The following DIAPH3 variants were observed in gnomAD, a reference collection of about 807,000 sequenced individuals.
The protein encoded by DIAPH3 is protein diaphanous homolog 3.
DIAPH3 carries 117 observed loss-of-function variants against 144.3 expected under a neutral mutation model. The ratio of observed to expected loss-of-function variants is 0.81; its 90% CI spans 0.70 to 0.95. DIAPH3 has a LOEUF of 0.95. Ranked by LOEUF, DIAPH3 falls within the 40% of genes least tolerant of loss-of-function variation. DIAPH3 has a pLI of 0.00. For missense variants in DIAPH3, 1,421 were observed against 1,412.7 expected (o/e 1.01, Z -0.09); for synonymous variants, 519 against 488.9 (o/e 1.06, Z -0.81).
At chr13:59,934,713 T>C (rs946998745) in intron 17 of DIAPH3, among the ~76,000 whole-genome samples, 1 of 152,092 alleles carries the variant, frequency 6.6e-6, no homozygotes, top group Non-Finnish European at 1.5e-5. Context: ...GCAGAGAATA[T>C]AAGCTACATG....
intron 21 of DIAPH3, 124 bp downstream of exon 21, chr13:59,879,105 G>T: frequency 7.3e-7 from 1 of 1,364,838 alleles, no homozygotes; most frequent in Non-Finnish European, 1.0e-6. Flanking sequence ...TTGAGTTCAT[G>T]GTTCAGTTCA....
At chr13:59,765,043 C>T (rs1220522729) in intron 27 of DIAPH3, among the ~76,000 whole-genome samples, 2 of 152,070 alleles carry the variant, frequency 1.3e-5, no homozygotes, top group Non-Finnish European at 2.9e-5. Context: ...GTTTTTGTAA[C>T]TCTTTCTCTT....
chr13:60,106,685 C>T (rs916515567), intron 3 of DIAPH3, among the ~76,000 whole-genome samples: 8 of 151,952 alleles, frequency 5.3e-5, no homozygotes, highest in African/African-American at 1.2e-4. Context: ...ATGAAAAAGA[C>T]GGAAATCTCA....
chr13:59,969,892 T>C (rs1382030319), intron 17 of DIAPH3, 52 bp downstream of exon 17: 2 of 1,154,220 alleles, frequency 1.7e-6, no homozygotes, highest in African/African-American at 1.6e-5. Context: ...ATAAAAAGTA[T>C]ATGTTAAAAT....
chr13:60,005,685 G>A (rs1187369985), intron 9 of DIAPH3, among the ~76,000 whole-genome samples: 1 of 152,170 alleles, frequency 6.6e-6, no homozygotes, highest in East Asian at 1.9e-4. Context: ...GTTTCACCAT[G>A]TTAGCCAGGA....
intron 21 of DIAPH3, among the ~76,000 whole-genome samples, chr13:59,871,567 T>C (rs2140004020): frequency 6.6e-6 from 1 of 152,326 alleles, no homozygotes; most frequent in South Asian, 2.1e-4. Context: ...TTTAGCTCAT[T>C]GATGATGATA....
intron 7 of DIAPH3, among the ~76,000 whole-genome samples, chr13:60,012,550 T>C (rs1391773348): frequency 1.3e-5 from 2 of 152,210 alleles, no homozygotes; most frequent in Non-Finnish European, 2.9e-5. Context: ...CAGTCAATGA[T>C]TACCAAGTAC....
intron 27 of DIAPH3, among the ~76,000 whole-genome samples, chr13:59,688,119 A>C (rs1006537400): frequency 9.2e-5 from 14 of 152,102 alleles, no homozygotes; most frequent in African/African-American, 3.4e-4. Flanking sequence ...TAAAAGAAGA[A>C]GGAAACAAAA....
intron 1 of DIAPH3, among the ~76,000 whole-genome samples, chr13:60,140,853 T>C (rs2059411504): frequency 6.6e-6 from 1 of 152,142 alleles, no homozygotes; most frequent in Non-Finnish European, 1.5e-5. Context: ...CACAGACTTT[T>C]TAATAGGCTA....
intron 17 of DIAPH3, among the ~76,000 whole-genome samples, chr13:59,936,558 C>T (rs1466914071): frequency 6.6e-6 from 1 of 152,100 alleles, no homozygotes; most frequent in African/African-American, 2.4e-5. Context: ...GCCTATCTAT[C>T]ACATATATCT....
intron 27 of DIAPH3, among the ~76,000 whole-genome samples, chr13:59,758,468 G>A (rs976484518): frequency 9.9e-5 from 15 of 152,192 alleles, no homozygotes; most frequent in Non-Finnish European, 1.6e-4. Context: ...TCAGAGTCAG[G>A]ACATGTGTGG....
At chr13:59,854,617 TTC>T (rs1271322137) in intron 22 of DIAPH3, among the ~76,000 whole-genome samples, 14 of 152,302 alleles carry the variant, frequency 9.2e-5, no homozygotes, top group African/African-American at 3.1e-4. Flanking sequence ...TTCTGAAATT[TTC>T]TTTCACCTAC....
At chr13:59,902,315 G>A (rs2046481556) in intron 20 of DIAPH3, among the ~76,000 whole-genome samples, 1 of 152,046 alleles carries the variant, frequency 6.6e-6, no homozygotes, top group African/African-American at 2.4e-5. Flanking sequence ...CTGTTTAAAA[G>A]TGTGTTGCAC....
rs576783675 is a variant in DIAPH3, at chr13:59,992,688, T to C, written c.1015-105A>G. On this transcript the variant is annotated intron_variant, in intron 9 of 27. Coordinates refer to ENST00000400324, the MANE Select transcript of DIAPH3 (RefSeq NM_001042517.2). ...TTCCAGCATTATTAAATATCTTTCC[T>C]ATTAAAACAATTTGTAAGCAAAATA... 4.7e-4 allele frequency: 422 copies of C among 892,866 alleles called. No individual in the cohort carries two copies. The African/African-American group carries it at 6.0e-3, about 13-fold the overall frequency. The allele number at this position is 892,866 out of a possible 1,614,324, so 55.3% of individuals were successfully genotyped here.
chr13:59,937,804 G>A (rs772489379), intron 17 of DIAPH3, among the ~76,000 whole-genome samples: 9 of 152,136 alleles, frequency 5.9e-5, no homozygotes, highest in Non-Finnish European at 1.0e-4. Flanking sequence ...TGGGAGGTGG[G>A]GAGGCAGGGG....
chr13:60,091,679 T>C (rs1431915477), intron 4 of DIAPH3, among the ~76,000 whole-genome samples: 1 of 152,146 alleles, frequency 6.6e-6, no homozygotes, highest in Non-Finnish European at 1.5e-5. Flanking sequence ...TGTACTTTTC[T>C]CTATATTTTA....
intron 27 of DIAPH3, among the ~76,000 whole-genome samples, chr13:59,719,483 T>A (rs1431449754): frequency 6.6e-6 from 1 of 152,126 alleles, no homozygotes; most frequent in African/African-American, 2.4e-5. Context: ...AAATGAAGCC[T>A]GCCTTTGGAT....
At chr13:59,872,244 A>C (rs1315908467) in intron 21 of DIAPH3, among the ~76,000 whole-genome samples, 4 of 152,204 alleles carry the variant, frequency 2.6e-5, no homozygotes, top group Non-Finnish European at 5.9e-5. Flanking sequence ...CTTTTATTGC[A>C]TCGAACAAAA....
At chr13:59,943,578 C>A (rs1336137705) in intron 17 of DIAPH3, among the ~76,000 whole-genome samples, 24 of 152,094 alleles carry the variant, frequency 1.6e-4, no homozygotes, top group Non-Finnish European at 8.8e-5. Flanking sequence ...GTTAGGCTCT[C>A]TATAGAAGAA....
Sources: gnomAD v4.1 joint callset for allele counts (sites outside exome capture counted in the v4.1 genomes callset) on GRCh38, gnomAD v4.1.1 for gene constraint, MANE v1.5 for transcripts, NCBI Gene and HGNC (gene_info 2026-07-23, HGNC 2026-07-21) for gene names.